The following WDR4 variants were observed in gnomAD, a reference collection of about 807,000 sequenced individuals.
The protein encoded by WDR4 is WDR4 tRNA N7-guanosine methyltransferase non-catalytic subunit.
In WDR4, 47 loss-of-function variants were observed where a neutral mutation model predicts 48.6. The ratio of observed to expected loss-of-function variants is 0.97; its 90% CI spans 0.77 to 1.23. The LOEUF (loss-of-function observed/expected upper bound fraction) is 1.23, where lower values mean the gene tolerates loss of function less well. WDR4 is among the 50% of genes most tolerant of loss of function. The probability of loss-of-function intolerance (pLI) is 0.00; values close to 1 mark genes in which losing one functional copy is unlikely to be tolerated. For missense variants in WDR4, 606 were observed against 551.6 expected (o/e 1.10, Z -0.99); for synonymous variants, 268 against 230.0 (o/e 1.17, Z -1.49).
chr21:42,863,103 C>T (rs1490212313), intron 4 of WDR4, among the ~76,000 whole-genome samples: 1 of 152,200 alleles, frequency 6.6e-6, no homozygotes, highest in African/African-American at 2.4e-5. Context: ...TACTGACCAC[C>T]TCCTGTCTCA....
Position 42,861,223 on chromosome 21 carries a change from A to G in WDR4, c.566+1059T>C, listed in dbSNP as rs1267986909. Among the ~76,000 whole-genome samples the G allele has an allele frequency of 9.9e-5, 15 of 151,724 alleles. No individual in the cohort carries two copies. In the East Asian group the frequency reaches 2.9e-3, roughly 30 times the overall value. ...CAGCTACTTGGGAGGCTGAGGCAGG[A>G]GAATCGCTTGAACCTGGAAGGCAGA... is the stretch of plus-strand genomic sequence containing the variant. On this transcript the variant is annotated intron_variant, in intron 5 of 10. Transcript: ENST00000398208.
rs762260360 is a variant in WDR4 at position 42,849,624 on chromosome 21, G to A, written c.*425C>T. 87 of 163,552 alleles carry A rather than the reference G, an allele frequency of 5.3e-4. No homozygotes were observed. The highest frequency in any genetic ancestry group is 1.3e-4 in the Non-Finnish European group (10 of 75,388). 10.1% of individuals were successfully genotyped at this position (163,552 alleles called of 1,614,324 possible). ...GCGAGCAGCTACTGCGGGACAGCAC[G>A]TCACCTGGATGCTGAGACGGCGGAA... On this transcript the variant is annotated 3_prime_UTR_variant, in exon 11 of 11. Coordinates refer to ENST00000398208, the MANE Select transcript of WDR4 (RefSeq NM_018669.6).
At chr21:42,886,602 A>C in the WDR4 span, among the ~76,000 whole-genome samples, 2 of 152,206 alleles carry the variant, frequency 1.3e-5, no homozygotes, top group African/African-American at 4.8e-5. Flanking sequence ...TGCCAGCGTA[A>C]GGCCTGTGCC....
chr21:42,873,679 G>C lies in WDR4; in HGVS notation c.168C>G (p.Pro56=), dbSNP rs1363575286. The C allele has an allele frequency of 1.2e-6, 2 of 1,613,908 alleles. No individual in the cohort carries two copies. Among genetic ancestry groups the C allele is most frequent in the African/African-American group, 1.3e-5 (1 of 75,008 alleles). Reference sequence around the variant, plus strand: ...GAATCGCACCGCTCCCCTGGTCCAAGGGCGCGTCCTCCCTGAGGAAGAGAG... The same window carrying C: ...GAATCGCACCGCTCCCCTGGTCCAACGGCGCGTCCTCCCTGAGGAAGAGAG... ...KSQENKGEDA[P]LDQGSGAILA... The change falls in exon 3 of 11, where the codon CCC becomes CCG. Residue 56 remains proline (P), a synonymous_variant. Transcript: ENST00000398208.
intron 2 of WDR4, among the ~76,000 whole-genome samples, chr21:42,875,693 A>G (rs1256922195): frequency 6.6e-6 from 1 of 152,202 alleles, no homozygotes; most frequent in Non-Finnish European, 1.5e-5. Flanking sequence ...GGTAACAGAG[A>G]GACCCTGTCT....
At chr21:42,873,976 C>G (rs1205564996) in intron 2 of WDR4, among the ~76,000 whole-genome samples, 1 of 152,122 alleles carries the variant, frequency 6.6e-6, no homozygotes, top group Non-Finnish European at 1.5e-5. Flanking sequence ...TCCTCATGGG[C>G]AAGGACTAAC....
chr21:42,853,542 G>A (rs2057890821), intron 9 of WDR4, 27 bp downstream of exon 9: 1 of 1,596,166 alleles, frequency 6.3e-7, no homozygotes, highest in Admixed American at 1.7e-5. Context: ...GCAGGGCATA[G>A]GACATCTGGA....
intron 5 of WDR4, among the ~76,000 whole-genome samples, chr21:42,860,847 G>T (rs2058097445): frequency 6.6e-6 from 1 of 152,162 alleles, no homozygotes; most frequent in South Asian, 2.1e-4. Context: ...ACACCAACAG[G>T]CCCAACAGAC....
At chr21:42,849,011 C>G (rs565179541), downstream of WDR4, among the ~76,000 whole-genome samples, 23 of 144,010 alleles carry the variant, frequency 1.6e-4, no homozygotes, top group South Asian at 4.4e-3. Flanking sequence ...ACACAGCGCA[C>G]GATCACACCG....
intron 2 of WDR4, among the ~76,000 whole-genome samples, chr21:42,875,941 G>A (rs1213145900): frequency 2.0e-5 from 1 of 50,484 alleles, no homozygotes. Context: ...TTTTTGAGAC[G>A]GAGTCTTGCT....
At chr21:42,850,415 C>T (rs1341690986) in intron 10 of WDR4, among the ~76,000 whole-genome samples, 173 bp from the exon 11 acceptor site, 2 of 152,202 alleles carry the variant, frequency 1.3e-5, no homozygotes, top group Admixed American at 1.3e-4. Context: ...GGGACCCACA[C>T]CCTGGCTGGA....
At chr21:42,882,313 A>G (rs1459551400), upstream of WDR4, among the ~76,000 whole-genome samples, 1 of 151,490 alleles carries the variant, frequency 6.6e-6, no homozygotes, top group African/African-American at 2.4e-5. Flanking sequence ...CTGTAATCCC[A>G]ACACTTTAGG....
In WDR4 at chr21:42,873,664, G is replaced by A. The variant is rs377268812; in HGVS notation, c.183C>T (p.Ser61=). 6.4e-5 allele frequency: 104 copies of A among 1,613,924 alleles called. No homozygotes were observed. Among genetic ancestry groups the A allele is most frequent in the South Asian group, 1.4e-4 (13 of 91,076 alleles). ...AGAAGGTGGACGCCAGAATCGCACC[G>A]CTCCCCTGGTCCAAGGGCGCGTCCT... ...KGEDAPLDQG[S]GAILASTFSK... The change falls in exon 3 of 11, where the codon AGC becomes AGT. Residue 61 remains serine (S), a synonymous_variant. Transcript: ENST00000398208.
chr21:42,857,756 C>T (rs549624929), intron 6 of WDR4, among the ~76,000 whole-genome samples: 16 of 151,948 alleles, frequency 1.1e-4, no homozygotes, highest in Non-Finnish European at 2.1e-4. Context: ...AGAAGTAAGA[C>T]TATTCCTAAA....
At chr21:42,873,714 G>C in intron 2 of WDR4, 23 bp from the exon 3 acceptor site, 1 of 1,608,184 alleles carries the variant, frequency 6.2e-7, no homozygotes, top group Non-Finnish European at 8.5e-7. Context: ...GGAGGAAGAC[G>C]GTTAAGCTTC....
rs765693596 is a variant in WDR4 at position 42,850,254 on chromosome 21, G to T, written c.1046-12C>A. ...TGCGCCGGCAGAGCCTGTGATGGGG[G>T]AACAAGGACAGGTGCCAGGTGGGGC... On this transcript the variant is annotated splice_polypyrimidine_tract_variant and intron_variant, in intron 10 of 10. Transcript: ENST00000398208. 4 of 1,579,164 alleles carry T rather than the reference G, an allele frequency of 2.5e-6. No individual in the cohort carries two copies. The South Asian group carries it at 4.6e-5, about 18-fold the overall frequency.
At chr21:42,891,327 C>CAA in the WDR4 span, among the ~76,000 whole-genome samples, 6,974 of 123,706 alleles carry the variant, frequency 0.056, 203 homozygotes, top group South Asian at 0.096. Context: ...GATTCTGTCT[C>CAA]AAAAAAAAAA....
chr21:42,855,468 C>G (rs918938958), intron 7 of WDR4, among the ~76,000 whole-genome samples: 5 of 152,238 alleles, frequency 3.3e-5, no homozygotes, highest in African/African-American at 1.2e-4. Flanking sequence ...CCTTCCTGTA[C>G]ATTAACTGTT....
intron 2 of WDR4, 151 bp downstream of exon 2, chr21:42,876,551 T>A: frequency 1.5e-6 from 1 of 670,864 alleles, no homozygotes; most frequent in Non-Finnish European, 2.5e-6. Context: ...AAAGTTACTT[T>A]TACATGTCTC....
Sources: allele counts gnomAD v4.1 joint callset (sites outside exome capture counted in the v4.1 genomes callset), GRCh38; gene constraint gnomAD v4.1.1; transcripts MANE v1.5; gene names NCBI Gene and HGNC (gene_info 2026-07-23, HGNC 2026-07-21).